RUNX1: variants seen among roughly 807,000 people sequenced by gnomAD.
RUNX1 encodes the protein runt-related transcription factor 1.
A neutral mutation model predicts 42.8 loss-of-function variants in RUNX1; 19 were observed. The ratio of observed to expected loss-of-function variants is 0.44; its 90% CI spans 0.31 to 0.65. The LOEUF is 0.65. RUNX1 is among the 30% of genes least tolerant of loss of function. The pLI, the probability that RUNX1 is intolerant of heterozygous loss-of-function variation, is 0.07. For missense variants in RUNX1, 528 were observed against 672.0 expected, an observed-to-expected ratio of 0.79 and a Z score of 2.37; for synonymous variants, 271 against 289.4, an observed-to-expected ratio of 0.94 and a Z score of 0.64.
At chr21:34,987,566 C>T (rs1031582097) in intron 2 of RUNX1, among the ~76,000 whole-genome samples, 19 of 152,124 alleles carry the variant, frequency 1.2e-4, no homozygotes, top group African/African-American at 4.3e-4. Context: ...GTCCTTTTCA[C>T]GCAGGCATGA....
At chr21:35,021,541 A>G (rs562744747) in intron 2 of RUNX1, among the ~76,000 whole-genome samples, 1 of 152,354 alleles carries the variant, frequency 6.6e-6, no homozygotes, top group South Asian at 2.1e-4. Flanking sequence ...AAACATTACT[A>G]TCTTCCCCAT....
chr21:35,012,507 C>A (rs995916608), intron 2 of RUNX1, among the ~76,000 whole-genome samples: 1 of 152,194 alleles, frequency 6.6e-6, no homozygotes, highest in African/African-American at 2.4e-5. Flanking sequence ...GTTTCTGAAT[C>A]ATTAAGGCAA....
intron 3 of RUNX1, chr21:34,888,266 T>A (rs1169516625): frequency 3.7e-6 from 4 of 1,066,904 alleles, no homozygotes; most frequent in African/African-American, 1.6e-5. Context: ...GAGCGGGCCT[T>A]GAGGGAGGGC....
intron 2 of RUNX1, among the ~76,000 whole-genome samples, chr21:34,912,253 G>T (rs1419697645): frequency 6.7e-6 from 1 of 149,182 alleles, no homozygotes; most frequent in Non-Finnish European, 1.5e-5. Flanking sequence ...GATGATGACT[G>T]CCAGGCATTG....
In RUNX1 at chr21:34,803,561, AAT is replaced by A. The variant is rs201717477; in HGVS notation, c.806-4101_806-4100del. ...GACTCCGTCTCAGAAAAAAAAAAATAATAATAAATAAAAAACACTGGATTCAA... is the reference window on the plus strand; with the variant it reads ...GACTCCGTCTCAGAAAAAAAAAAATAAATAAATAAAAAACACTGGATTCAA... On this transcript the variant is annotated intron_variant, in intron 7 of 8. Transcript: ENST00000675419. Among the ~76,000 whole-genome samples, 590 of 151,448 alleles carry A rather than the reference AAT, an allele frequency of 3.9e-3. 2 individuals carry two copies. Among genetic ancestry groups the A allele is most frequent in the African/African-American group, 0.014 (563 of 40,836 alleles).
intron 2 of RUNX1, among the ~76,000 whole-genome samples, chr21:34,913,060 G>A (rs1262109916): frequency 6.6e-6 from 1 of 152,140 alleles, no homozygotes; most frequent in Non-Finnish European, 1.5e-5. Context: ...GTGAAACCCT[G>A]ACTCTACTAA....
chr21:34,923,224 A>G (rs971819560), intron 2 of RUNX1, among the ~76,000 whole-genome samples: 2 of 152,188 alleles, frequency 1.3e-5, no homozygotes, highest in Non-Finnish European at 2.9e-5. Context: ...AATAATGACT[A>G]TCAAGCACCC....
In RUNX1 at chr21:34,895,091, G is replaced by A. The variant is rs112633026; in HGVS notation, c.59-2128C>T. On this transcript the variant is annotated intron_variant, in intron 2 of 8. Coordinates refer to ENST00000675419, the MANE Select transcript of RUNX1 (RefSeq NM_001754.5). ...CAGGGTCTAGATCAGAAAATATCTT[G>A]GAAATTCTTCACCATGCAAACCTCA... Among the ~76,000 whole-genome samples the A allele has an allele frequency of 4.9e-3, 738 of 152,116 alleles. 7 individuals carry two copies. The highest frequency in any genetic ancestry group is 0.016 in the African/African-American group (671 of 41,492).
chr21:34,918,341 C>T (rs1406067506), intron 2 of RUNX1, among the ~76,000 whole-genome samples: 1 of 151,798 alleles, frequency 6.6e-6, no homozygotes, highest in Non-Finnish European at 1.5e-5. Flanking sequence ...GACAATTGTC[C>T]CCTGGTCTGA....
intron 2 of RUNX1, among the ~76,000 whole-genome samples, chr21:34,917,536 C>G (rs1342302034): frequency 1.3e-5 from 2 of 152,214 alleles, no homozygotes; most frequent in Non-Finnish European, 1.5e-5. Flanking sequence ...AATACTACAT[C>G]AATCAGAGGC....
chr21:35,047,573 T>A lies in RUNX1; in HGVS notation c.58+1269A>T, dbSNP rs994232856. The stretch of plus-strand genomic sequence containing the variant: ...CACACACACACACACTCTCTCTCTC[T>A]CTCTCTCTCTCTCTCTCTCTCTCTC... On this transcript the variant is annotated intron_variant, in intron 2 of 8. Transcript: ENST00000675419. Among the ~76,000 whole-genome samples, 463 of 145,862 alleles carry A rather than the reference T, an allele frequency of 3.2e-3. 2 individuals are homozygous for A. The highest frequency in any genetic ancestry group is 0.011 in the African/African-American group (424 of 37,486).
chr21:34,872,253 G>A lies in RUNX1; in HGVS notation c.508+8304C>T, dbSNP rs551017700. On this transcript the variant is annotated intron_variant, in intron 5 of 8. Coordinates refer to ENST00000675419, the MANE Select transcript of RUNX1 (RefSeq NM_001754.5). ...TGAAGTATTCAGGGAAAAGCAGTGA[G>A]CCTCTGGCAGAGGGCTTCCTAGTTT... Among the ~76,000 whole-genome samples the A allele has an allele frequency of 4.6e-5, 7 of 152,330 alleles. No homozygotes were observed. The South Asian group carries it at 1.4e-3, about 32-fold the overall frequency.
At chr21:34,796,041 G>A (rs1297275812) in intron 8 of RUNX1, among the ~76,000 whole-genome samples, 4 of 152,170 alleles carry the variant, frequency 2.6e-5, no homozygotes, top group African/African-American at 9.7e-5. Context: ...CTGCCAGTAG[G>A]TTCCAACTAC....
intron 2 of RUNX1, among the ~76,000 whole-genome samples, chr21:34,978,937 T>TACACACACACACACACAC (rs10673190): frequency 0.015 from 2,052 of 134,104 alleles, 54 homozygotes; most frequent in Non-Finnish European, 0.017. Flanking sequence ...CACACACAGA[T>TACACACACACACACACAC]ACACACACAC....
intron 7 of RUNX1, among the ~76,000 whole-genome samples, chr21:34,800,132 T>A (rs1369187176): frequency 6.6e-6 from 1 of 152,214 alleles, no homozygotes; most frequent in Non-Finnish European, 1.5e-5. Context: ...TTTGCAACTT[T>A]TAAAAGTCAG....
At chr21:34,810,605 C>T (rs559596872) in intron 7 of RUNX1, among the ~76,000 whole-genome samples, 15 of 152,278 alleles carry the variant, frequency 9.9e-5, no homozygotes, top group African/African-American at 3.6e-4. Context: ...TAGCTTGGCC[C>T]CTCACTCACA....
At chr21:34,931,420 T>C (rs1462028919) in intron 2 of RUNX1, among the ~76,000 whole-genome samples, 2 of 146,404 alleles carry the variant, frequency 1.4e-5, no homozygotes, top group East Asian at 2.0e-4. Flanking sequence ...ATATTATATA[T>C]AAAGCATATA....
At chr21:34,991,550 T>C (rs1201052741) in intron 2 of RUNX1, among the ~76,000 whole-genome samples, 1 of 105,232 alleles carries the variant, frequency 9.5e-6, no homozygotes, top group Non-Finnish European at 2.0e-5. Context: ...ATTACGATGA[T>C]GATGATGATG....
chr21:34,883,212 A>G (rs1027503593), intron 4 of RUNX1, among the ~76,000 whole-genome samples: 1 of 152,200 alleles, frequency 6.6e-6, no homozygotes, highest in African/African-American at 2.4e-5. Context: ...GGAACTTAAG[A>G]AGAAAAAAAT....
Sources: gnomAD v4.1 joint callset for allele counts (sites outside exome capture counted in the v4.1 genomes callset) on GRCh38, gnomAD v4.1.1 for gene constraint, MANE v1.5 for transcripts, NCBI Gene and HGNC (gene_info 2026-07-23, HGNC 2026-07-21) for gene names.